The following CNTN2 variants were observed in gnomAD, a reference collection of about 807,000 sequenced individuals.
The protein encoded by CNTN2 is contactin 2.
A neutral mutation model predicts 117.5 loss-of-function variants in CNTN2; 53 were observed. That is an observed-to-expected ratio of 0.45 (90% CI 0.36 to 0.57). The LOEUF is 0.57. Among genes scored for constraint, CNTN2 ranks in the 20% least tolerant of loss-of-function variants. CNTN2 has a pLI of 0.00. For synonymous variants in CNTN2, 530 were observed against 561.7 expected, an observed-to-expected ratio of 0.94 and a Z score of 0.80; for missense variants, 1,106 against 1,404.3, an observed-to-expected ratio of 0.79 and a Z score of 3.39.
rs577503016 is a variant in CNTN2 at position 205,065,221 on chromosome 1, G to A, written c.1654G>A (p.Asp552Asn). 9 of 1,614,008 alleles carry A rather than the reference G, an allele frequency of 5.6e-6. No individual in the cohort carries two copies. The highest frequency in any genetic ancestry group is 1.3e-5 in the African/African-American group (1 of 75,000). Residue 552 changes from aspartate to asparagine, a missense_variant, in exon 13 of 23, where the codon GAC becomes AAC. By Grantham distance (23) the Asp-to-Asn change is conservative. Coordinates refer to ENST00000331830, the MANE Select transcript of CNTN2 (RefSeq NM_005076.5). This position sits in a 1 kb window ranked among gnomAD's most constrained non-coding sequence, Gnocchi z 4.1. ...FTWTLDDFPI[D>N]FDKPGGHYRR... ...CTGGACCCTGGACGACTTCCCCATCGACTTTGATAAGCCTGGAGGGCACTA... is the reference window on the plus strand; with the variant it reads ...CTGGACCCTGGACGACTTCCCCATCAACTTTGATAAGCCTGGAGGGCACTA...
At chr1:205,053,351 T>C in intron 2 of CNTN2, 96 bp downstream of exon 2, 1 of 1,027,018 alleles carries the variant, frequency 9.7e-7, no homozygotes, top group Non-Finnish European at 1.4e-6. Context: ...AATCATTGGC[T>C]CTGCATTGTG....
Position 205,059,366 on chromosome 1 carries a change from C to T in CNTN2, c.697+73C>T, listed in dbSNP as rs1653846375. ...GCGGGCATTAGGAAAAGGGTTTTTC[C>T]TTTGGAGATTGGAAGATCAGCTTGC... On this transcript the variant is annotated intron_variant, in intron 6 of 22. Transcript: ENST00000331830. This position sits in a 1 kb window ranked among gnomAD's most constrained non-coding sequence, Gnocchi z 5.6. 1 of 1,452,480 alleles carries T rather than the reference C, an allele frequency of 6.9e-7. No individual in the cohort carries two copies. 90.0% of individuals were successfully genotyped at this position (1,452,480 alleles called of 1,614,324 possible). A position where few individuals can be genotyped will look rare whatever the true frequency, so the allele number is the denominator to read the frequency against.
Position 205,058,194 on chromosome 1 carries a change from G to T in CNTN2, c.229G>T (p.Gly77Cys). 1 of 1,584,848 alleles carries T rather than the reference G, an allele frequency of 6.3e-7. No homozygotes were observed. ...PPATYRWKMN[G>C]TEMKLEPGSR... ...CCCCTGCTGCAGGTGGAAGATGAAT[G>T]GTACCGAGATGAAGCTGGAGCCAGG... is the stretch of plus-strand genomic sequence containing the variant. The change falls in exon 4 of 23, where the codon GGT becomes TGT. Residue 77 changes from glycine to cysteine, a missense_variant. Transcript: ENST00000331830. This position sits in a 1 kb window ranked among gnomAD's most constrained non-coding sequence, Gnocchi z 4.3.
In CNTN2 at chr1:205,064,747, C is replaced by T. The variant is rs114903768; in HGVS notation, c.1516C>T (p.Arg506Ter). Reference protein sequence around the residue: ...KANSTGILSVRDATKITLAPS... With the variant: ...KANSTGILSV ...CAACAGCACTGGAATCCTATCTGTG[C>T]GAGGTGAGGGCTGCCATGTGGGTAG... is the stretch of plus-strand genomic sequence containing the variant. Residue 506 changes from arginine to a stop codon, truncating the protein, a stop_gained, in exon 12 of 23, where the codon CGA (arginine) becomes TGA (stop). Coordinates refer to ENST00000331830, the MANE Select transcript of CNTN2 (RefSeq NM_005076.5). LOFTEE classifies it high-confidence loss of function. 8.7e-6 allele frequency: 14 copies of T among 1,613,804 alleles called. No individual in the cohort carries two copies. Among genetic ancestry groups the T allele is most frequent in the African/African-American group, 2.7e-5 (2 of 74,918 alleles).
intron 21 of CNTN2, chr1:205,072,823 G>A (rs980061547): frequency 6.2e-6 from 4 of 640,452 alleles, no homozygotes; most frequent in Non-Finnish European, 1.1e-5. Flanking sequence ...GTTCACAGGG[G>A]CAGTGATGGA....
In CNTN2 at chr1:205,074,560, G is replaced by A. The variant is rs116594967; in HGVS notation, c.*795G>A. ...TGACCCTGTCATCCCGATTGACAGC[G>A]CCACTTCAGGTGGCTGGGTGACTAA... On this transcript the variant is annotated 3_prime_UTR_variant, in exon 23 of 23. Coordinates refer to ENST00000331830, the MANE Select transcript of CNTN2 (RefSeq NM_005076.5). 2.9e-3 allele frequency: 1,139 copies of A among 398,380 alleles called. 16 individuals are homozygous for A. The highest frequency in any genetic ancestry group is 0.022 in the African/African-American group (1,062 of 48,742). The allele number at this position is 398,380 out of a possible 1,614,324, so 24.7% of individuals were successfully genotyped here. A position where few individuals can be genotyped will look rare whatever the true frequency, so the allele number is the denominator to read the frequency against.
In CNTN2 at chr1:205,058,203, A is replaced by G. The variant is rs776309126; in HGVS notation, c.238A>G (p.Met80Val). 3.2e-5 allele frequency: 50 copies of G among 1,583,692 alleles called. No individual in the cohort carries two copies. The South Asian group carries it at 5.5e-4, about 17-fold the overall frequency. The change falls in exon 4 of 23, where the codon ATG (methionine) becomes GTG (valine). Residue 80 changes from methionine (M) to valine (V), a missense_variant. Coordinates refer to ENST00000331830, the MANE Select transcript of CNTN2 (RefSeq NM_005076.5). The surrounding 1 kb of genome is among the most constrained non-coding windows in gnomAD (Gnocchi z 4.3). ...CAGGTGGAAGATGAATGGTACCGAG[A>G]TGAAGCTGGAGCCAGGTTCCCGTCA... is the stretch of plus-strand genomic sequence containing the variant. ...TYRWKMNGTE[M>V]KLEPGSRHQL...
In CNTN2 at chr1:205,065,404, A is replaced by C; in HGVS notation, c.1695+142A>C. ...CCTCAGGCCCACACATGGCAAGCTCATCCTTGGATGAACAGCTGACCTTCC... is the reference window on the plus strand; with the variant it reads ...CCTCAGGCCCACACATGGCAAGCTCCTCCTTGGATGAACAGCTGACCTTCC... On this transcript the variant is annotated intron_variant, in intron 13 of 22. Transcript: ENST00000331830. This position sits in a 1 kb window ranked among gnomAD's most constrained non-coding sequence, Gnocchi z 4.1. 78 of 873,514 alleles carry C rather than the reference A, an allele frequency of 8.9e-5. No individual in the cohort carries two copies. The highest frequency in any genetic ancestry group is 2.5e-4 in the Middle Eastern group (1 of 4,038). 54.1% of individuals were successfully genotyped at this position (873,514 alleles called of 1,614,324 possible). A position where few individuals can be genotyped will look rare whatever the true frequency, so the allele number is the denominator to read the frequency against.
Position 205,070,539 on chromosome 1 carries a change from G to A in CNTN2, c.2544+1G>A. The A allele has an allele frequency of 6.2e-7, 1 of 1,609,676 alleles. No individual in the cohort carries two copies. Among genetic ancestry groups the A allele is most frequent in the Non-Finnish European group, 8.5e-7 (1 of 1,176,412 alleles). On this transcript the variant is annotated splice_donor_variant, in intron 19 of 22. Transcript: ENST00000331830. LOFTEE classifies it high-confidence loss of function. ...GAATGGTATCCTCCTGGGGTATGAG[G>A]TGAGCACCAACCTGGGACTTGGGAG...
rs549660052 is a variant in CNTN2 at position 205,052,967 on chromosome 1, C to T, written c.-86-133C>T. On this transcript the variant is annotated intron_variant, in intron 1 of 22. Coordinates refer to ENST00000331830, the MANE Select transcript of CNTN2 (RefSeq NM_005076.5). The stretch of plus-strand genomic sequence containing the variant: ...TAGCCAAGCCCCTTCCTCTGGGGCC[C>T]TGGGGAGAATTAGTGCTTGGGCAAT... 125 of 430,364 alleles carry T rather than the reference C, an allele frequency of 2.9e-4. 1 individual carries two copies. Among genetic ancestry groups the T allele is most frequent in the African/African-American group, 2.3e-3 (115 of 49,450 alleles). 26.7% of individuals were successfully genotyped at this position (430,364 alleles called of 1,614,324 possible). A position where few individuals can be genotyped will look rare whatever the true frequency, so the allele number is the denominator to read the frequency against.
At chr1:205,064,577 G>A in intron 11 of CNTN2, 46 bp from the exon 12 acceptor site, 1 of 1,606,742 alleles carries the variant, frequency 6.2e-7, no homozygotes, top group Non-Finnish European at 8.5e-7. Flanking sequence ...CAGCCCCAGG[G>A]ACAACCATGC....
intron 2 of CNTN2, among the ~76,000 whole-genome samples, chr1:205,054,733 C>T (rs1354111599): frequency 6.6e-6 from 1 of 152,200 alleles, no homozygotes. Context: ...CCCCACCCCT[C>T]CCAGGAAGTT....
rs1003503851 is a variant in CNTN2 at position 205,078,281 on chromosome 1, G to A, written c.*4516G>A. On this transcript the variant is annotated 3_prime_UTR_variant, in exon 23 of 23. Transcript: ENST00000331830. ...TACAGTGGCAGTAAACAATGCTTAT[G>A]TGATGGTACTGCTTCAAGGTGGCCT... 6.6e-6 allele frequency: 1 copy of A among 152,232 alleles called. No individual in the cohort carries two copies. Among genetic ancestry groups the A allele is most frequent in the African/African-American group, 2.4e-5 (1 of 41,456 alleles). 9.4% of individuals were successfully genotyped at this position (152,232 alleles called of 1,614,324 possible).
rs749944864 is a variant in CNTN2 at position 205,069,574 on chromosome 1, G to A, written c.2196+13G>A. The A allele has an allele frequency of 5.0e-6, 8 of 1,611,316 alleles. No homozygotes were observed. The East Asian group carries it at 6.7e-5, about 13-fold the overall frequency. On this transcript the variant is annotated intron_variant, in intron 17 of 22. Coordinates refer to ENST00000331830, the MANE Select transcript of CNTN2 (RefSeq NM_005076.5). ...CGTCAACTGGACGGTAAGCTGCAAG[G>A]GTCAGATGTCCTCCTCCTCCTCCCT...
In CNTN2 at chr1:205,072,137, A is replaced by T. The variant is rs746875592; in HGVS notation, c.2731+4A>T. ...AACGCCACGACCATGAAGCCCCGTG[A>T]GTCTGTCTGCCTGGGGTGGGGGTAG... On this transcript the variant is annotated splice_donor_region_variant and intron_variant, in intron 20 of 22. Coordinates refer to ENST00000331830, the MANE Select transcript of CNTN2 (RefSeq NM_005076.5). 4 of 1,604,150 alleles carry T rather than the reference A, an allele frequency of 2.5e-6. No individual in the cohort carries two copies. The highest frequency in any genetic ancestry group is 3.4e-6 in the Non-Finnish European group (4 of 1,176,636).
Position 205,059,653 on chromosome 1 carries a change from G to A in CNTN2, c.768G>A (p.Gln256=). The A allele has an allele frequency of 1.2e-6, 2 of 1,614,130 alleles. No individual in the cohort carries two copies. Among genetic ancestry groups the A allele is most frequent in the Non-Finnish European group, 1.7e-6 (2 of 1,180,024 alleles). The part of the protein sequence containing the change: ...PAETYALVGQ[Q]VTLECFAFGN... ...AGACCTATGCACTGGTGGGGCAGCAGGTCACCCTGGAGTGCTTCGCCTTTG... is the reference window on the plus strand; with the variant it reads ...AGACCTATGCACTGGTGGGGCAGCAAGTCACCCTGGAGTGCTTCGCCTTTG... Residue 256 remains glutamine (Q), a synonymous_variant, in exon 7 of 23, where the codon CAG becomes CAA. Coordinates refer to ENST00000331830, the MANE Select transcript of CNTN2 (RefSeq NM_005076.5). This position sits in a 1 kb window ranked among gnomAD's most constrained non-coding sequence, Gnocchi z 5.6.
chr1:205,064,129 G>T (rs982767694), intron 10 of CNTN2, among the ~76,000 whole-genome samples, 193 bp from the exon 11 acceptor site: 1 of 151,770 alleles, frequency 6.6e-6, no homozygotes, highest in African/African-American at 2.4e-5. Context: ...GGGGCGGAGG[G>T]GGGGCGCGTT....
rs984752778 is a variant in CNTN2 at position 205,048,999 on chromosome 1, A to G, written c.-86-4101A>G. Among the ~76,000 whole-genome samples the G allele has an allele frequency of 1.3e-5, 2 of 149,872 alleles. No individual in the cohort carries two copies. The highest frequency in any genetic ancestry group is 4.9e-5 in the African/African-American group (2 of 40,652). Reference sequence around the variant, plus strand: ...TGGCACACAATGGAGCTCAATATACATCTGATCAGGCTGATGGGTCTGTGG... The same window carrying G: ...TGGCACACAATGGAGCTCAATATACGTCTGATCAGGCTGATGGGTCTGTGG... On this transcript the variant is annotated intron_variant, in intron 1 of 22. Coordinates refer to ENST00000331830, the MANE Select transcript of CNTN2 (RefSeq NM_005076.5). This position sits in a 1 kb window ranked among gnomAD's most constrained non-coding sequence, Gnocchi z 4.1.
At position 205,075,126 on chromosome 1, in the gene CNTN2, A is replaced by G. The variant is rs1005152596; in HGVS notation, c.*1361A>G. On this transcript the variant is annotated 3_prime_UTR_variant, in exon 23 of 23. Coordinates refer to ENST00000331830, the MANE Select transcript of CNTN2 (RefSeq NM_005076.5). The stretch of plus-strand genomic sequence containing the variant: ...GAGATGGGGCTGGGTTAAGAACTCG[A>G]GTCTTCCACCTTTCTGTTCAAGGCT... 4.7e-5 allele frequency: 18 copies of G among 386,710 alleles called. No individual in the cohort carries two copies. Among genetic ancestry groups the G allele is most frequent in the Non-Finnish European group, 6.8e-5 (15 of 219,096 alleles). 24.0% of individuals were successfully genotyped at this position (386,710 alleles called of 1,614,324 possible).
Sources: allele counts gnomAD v4.1 joint callset (sites outside exome capture counted in the v4.1 genomes callset), GRCh38; gene constraint gnomAD v4.1.1; non-coding constraint Gnocchi (gnomAD v3.1); transcripts MANE v1.5; gene names NCBI Gene and HGNC (gene_info 2026-07-23, HGNC 2026-07-21).